DPYSL5: variants seen among roughly 807,000 people sequenced by gnomAD.
DPYSL5 encodes dihydropyrimidinase-related protein 5.
DPYSL5 carries 9 observed loss-of-function variants against 58.4 expected under a neutral mutation model. The observed-to-expected ratio is 0.15, with a 90% CI of 0.09 to 0.27. DPYSL5 has a LOEUF of 0.27. Among genes scored for constraint, DPYSL5 ranks in the 10% least tolerant of loss-of-function variants. DPYSL5 has a pLI of 1.00. For synonymous variants in DPYSL5, 293 were observed against 301.9 expected (o/e 0.97, Z 0.31); for missense variants, 499 against 770.6 (o/e 0.65, Z 4.17).
At chr2:26,935,898 G>T (rs1244542837) in intron 8 of DPYSL5, among the ~76,000 whole-genome samples, 1 of 152,128 alleles carries the variant, frequency 6.6e-6, no homozygotes, top group Non-Finnish European at 1.5e-5. Context: ...CACTGGCAAT[G>T]CCTCTGTGAA....
chr2:26,859,785 G>A (rs1038318450), intron 1 of DPYSL5, among the ~76,000 whole-genome samples: 2 of 152,192 alleles, frequency 1.3e-5, no homozygotes, highest in African/African-American at 4.8e-5. Context: ...GTAACAGAGT[G>A]CAAATAGCCA....
intron 1 of DPYSL5, among the ~76,000 whole-genome samples, chr2:26,854,280 G>A (rs988831644): frequency 2.0e-5 from 3 of 152,060 alleles, no homozygotes; most frequent in East Asian, 3.9e-4. Context: ...TCAATATGGC[G>A]AAACCCTGTC....
intron 1 of DPYSL5, among the ~76,000 whole-genome samples, chr2:26,864,008 C>A (rs1473132988): frequency 6.6e-6 from 1 of 152,002 alleles, no homozygotes; most frequent in African/African-American, 2.4e-5. Flanking sequence ...TTTGAGAGGC[C>A]AAGGTGGGTG....
chr2:26,901,120 A>C (rs1219838865), intron 2 of DPYSL5, among the ~76,000 whole-genome samples: 1 of 152,130 alleles, frequency 6.6e-6, no homozygotes, highest in East Asian at 1.9e-4. Context: ...GAAAGGCCCC[A>C]GATCTCCCAT....
intron 2 of DPYSL5, among the ~76,000 whole-genome samples, chr2:26,913,279 C>G (rs889755793): frequency 1.3e-5 from 2 of 152,176 alleles, no homozygotes; most frequent in African/African-American, 4.8e-5. Context: ...TCCTCCCTCC[C>G]CTAGTCCCTG....
chr2:26,893,480 C>T lies in DPYSL5; in HGVS notation c.-4-5016C>T, dbSNP rs1663939496. ...TATGTTGCTCCCTTTGTTCTATTCA[C>T]CGTAATTAGCTGTGTTAGGAAAATT... is the stretch of plus-strand genomic sequence containing the variant. On this transcript the variant is annotated intron_variant, in intron 1 of 12. Coordinates refer to ENST00000288699, the MANE Select transcript of DPYSL5 (RefSeq NM_020134.4). 2.0e-5 allele frequency among the ~76,000 whole-genome samples: 3 copies of T among 152,184 alleles called. No individual in the cohort carries two copies. In the South Asian group the frequency reaches 6.2e-4, roughly 31 times the overall value.
At chr2:26,922,667 G>T in intron 2 of DPYSL5, among the ~76,000 whole-genome samples, 1 of 152,166 alleles carries the variant, frequency 6.6e-6, no homozygotes, top group Non-Finnish European at 1.5e-5. Flanking sequence ...AAACAATTTA[G>T]TGTGTAAAGC....
At chr2:26,907,407 C>T (rs1346781068) in intron 2 of DPYSL5, among the ~76,000 whole-genome samples, 1 of 152,194 alleles carries the variant, frequency 6.6e-6, no homozygotes, top group Non-Finnish European at 1.5e-5. Context: ...AGCTACTGCG[C>T]CCAGCCCACA....
chr2:26,894,952 G>A (rs1432200301), intron 1 of DPYSL5, among the ~76,000 whole-genome samples: 1 of 152,202 alleles, frequency 6.6e-6, no homozygotes, highest in Non-Finnish European at 1.5e-5. Context: ...GTTACTTGAT[G>A]CATAATCCAT....
chr2:26,919,305 G>T (rs1664649268), intron 2 of DPYSL5, among the ~76,000 whole-genome samples: 1 of 152,168 alleles, frequency 6.6e-6, no homozygotes, highest in Non-Finnish European at 1.5e-5. Flanking sequence ...CCTGCGCCTT[G>T]CCAAGTGTAT....
At position 26,916,236 on chromosome 2, in the gene DPYSL5, A is replaced by T. The variant is rs146890180; in HGVS notation, c.262-8651A>T. Among the ~76,000 whole-genome samples, 712 of 152,248 alleles carry T rather than the reference A, an allele frequency of 4.7e-3. 4 individuals are homozygous for T. The highest frequency in any genetic ancestry group is 0.017 in the African/African-American group (691 of 41,538). Reference sequence around the variant, plus strand: ...TCCAACCCAGGCTCCAGTCAGGTCCATCATCCCAACACTGCCCTTGAGCTT... The same window carrying T: ...TCCAACCCAGGCTCCAGTCAGGTCCTTCATCCCAACACTGCCCTTGAGCTT... On this transcript the variant is annotated intron_variant, in intron 2 of 12. Transcript: ENST00000288699.
Position 26,934,583 on chromosome 2 carries a change from G to T in DPYSL5, c.796G>T (p.Val266Phe). 1 of 1,612,222 alleles carries T rather than the reference G, an allele frequency of 6.2e-7. No individual in the cohort carries two copies. The change falls in exon 8 of 13, where the codon GTT becomes TTT. Residue 266 changes from valine to phenylalanine, a missense_variant. Physicochemically the swap from Val to Phe is conservative, Grantham distance 50. Transcript: ENST00000288699. This position sits in a 1 kb window ranked among gnomAD's most constrained non-coding sequence, Gnocchi z 4.3. ...TCTGACCTTTCTTCTTCCAGGGAAG[G>T]TTGTGCTGGCGGAGACCACCACTGC... ...VIAAAKMQGK[V>F]VLAETTTAHA...
At chr2:26,923,641 G>A (rs1664758299) in intron 2 of DPYSL5, among the ~76,000 whole-genome samples, 1 of 152,020 alleles carries the variant, frequency 6.6e-6, no homozygotes, top group Non-Finnish European at 1.5e-5. Context: ...TCATGTTATG[G>A]GACTCTCAAT....
chr2:26,884,137 T>G (rs1412731402), intron 1 of DPYSL5, among the ~76,000 whole-genome samples: 1 of 152,206 alleles, frequency 6.6e-6, no homozygotes, highest in Non-Finnish European at 1.5e-5. Flanking sequence ...ACAGCAGGGC[T>G]GAGTTATCTG....
At chr2:26,919,896 T>G (rs938197918) in intron 2 of DPYSL5, among the ~76,000 whole-genome samples, 8 of 152,200 alleles carry the variant, frequency 5.3e-5, no homozygotes, top group Non-Finnish European at 1.0e-4. Context: ...GGAGGCATGT[T>G]TATACAATGA....
chr2:26,886,305 G>A (rs2148128051), intron 1 of DPYSL5, among the ~76,000 whole-genome samples: 1 of 152,244 alleles, frequency 6.6e-6, no homozygotes, highest in East Asian at 1.9e-4. Context: ...GTAGGACATG[G>A]TCAGATGAAT....
chr2:26,937,630 CTTGT>C (rs1414489005), intron 8 of DPYSL5, among the ~76,000 whole-genome samples: 1 of 150,588 alleles, frequency 6.6e-6, no homozygotes, highest in Non-Finnish European at 1.5e-5. Context: ...TTTATTCTGG[CTTGT>C]TTTTTTTTTT....
chr2:26,858,735 A>G (rs1378255524), intron 1 of DPYSL5, among the ~76,000 whole-genome samples: 1 of 104,716 alleles, frequency 9.5e-6, no homozygotes, highest in Non-Finnish European at 2.0e-5. Flanking sequence ...ACACCCAGCT[A>G]TTTTTTTTTT....
intron 8 of DPYSL5, among the ~76,000 whole-genome samples, chr2:26,937,051 T>C (rs1665198650): frequency 6.6e-6 from 1 of 151,378 alleles, no homozygotes; most frequent in African/African-American, 2.4e-5. Flanking sequence ...TAATGTGGGC[T>C]TGGTTCCAAG....
Sources: gnomAD v4.1 joint callset for allele counts (sites outside exome capture counted in the v4.1 genomes callset) on GRCh38, gnomAD v4.1.1 for gene constraint, Gnocchi (gnomAD v3.1) non-coding constraint, MANE v1.5 for transcripts, NCBI Gene and HGNC (gene_info 2026-07-23, HGNC 2026-07-21) for gene names.